The following EFR3B variants were observed in gnomAD, a reference collection of about 807,000 sequenced individuals.
EFR3B encodes EFR3 homolog B, also known as protein EFR3 homolog B.
In EFR3B, 64 loss-of-function variants were observed where a neutral mutation model predicts 104.7. The observed-to-expected ratio is 0.61, with a 90% confidence interval of 0.50 to 0.75. EFR3B has a LOEUF of 0.75. Among genes scored for constraint, EFR3B ranks in the 30% least tolerant of loss-of-function variants. EFR3B has a pLI of 0.00. For synonymous variants in EFR3B, 385 were observed against 417.9 expected, an observed-to-expected ratio of 0.92 and a Z score of 0.96; for missense variants, 750 against 1,078.5, an observed-to-expected ratio of 0.70 and a Z score of 4.27.
At chr2:25,083,905 G>A (rs1458470912) in intron 1 of EFR3B, among the ~76,000 whole-genome samples, 4 of 152,150 alleles carry the variant, frequency 2.6e-5, no homozygotes, top group South Asian at 2.1e-4. Flanking sequence ...CAAGGGACAC[G>A]TGCACTCTAC....
At chr2:25,126,498 T>A (rs983769193) in intron 5 of EFR3B, among the ~76,000 whole-genome samples, 2 of 152,092 alleles carry the variant, frequency 1.3e-5, no homozygotes, top group African/African-American at 4.8e-5. Flanking sequence ...TAGCTGGGAT[T>A]ACAGGTGCCT....
chr2:25,054,909 G>A (rs1667977151), intron 1 of EFR3B, among the ~76,000 whole-genome samples: 1 of 152,168 alleles, frequency 6.6e-6, no homozygotes, highest in South Asian at 2.1e-4. Context: ...TCTCATCTCT[G>A]CACTGGAAAG....
intron 3 of EFR3B, among the ~76,000 whole-genome samples, chr2:25,103,096 C>T (rs891474143): frequency 5.9e-5 from 9 of 152,268 alleles, no homozygotes; most frequent in African/African-American, 1.9e-4. Context: ...CCTTGGAAAC[C>T]TCATGGGCCA....
At chr2:25,144,330 C>G (rs867588891) in intron 18 of EFR3B, among the ~76,000 whole-genome samples, 2 of 152,052 alleles carry the variant, frequency 1.3e-5, no homozygotes, top group African/African-American at 4.8e-5. Flanking sequence ...ATTGCCTAAG[C>G]TCAAGGGTTC....
chr2:25,054,523 A>T (rs1021410823), intron 1 of EFR3B, among the ~76,000 whole-genome samples: 1 of 152,014 alleles, frequency 6.6e-6, no homozygotes, highest in Admixed American at 6.6e-5. Context: ...GGGTTTTGCC[A>T]TGTAGGTTGG....
intron 1 of EFR3B, among the ~76,000 whole-genome samples, chr2:25,060,576 A>C (rs960339597): frequency 1.8e-4 from 27 of 152,132 alleles, no homozygotes; most frequent in African/African-American, 5.8e-4. Flanking sequence ...GGGTGGTCTG[A>C]GTTAATGGCA....
chr2:25,065,018 C>G (rs1374935219), intron 1 of EFR3B, among the ~76,000 whole-genome samples: 1 of 152,098 alleles, frequency 6.6e-6, no homozygotes, highest in African/African-American at 2.4e-5. Flanking sequence ...GTCACTGGTT[C>G]CCAAGGATCT....
chr2:25,121,382 G>A (rs558482526), intron 4 of EFR3B, among the ~76,000 whole-genome samples: 1 of 152,202 alleles, frequency 6.6e-6, no homozygotes, highest in Non-Finnish European at 1.5e-5. Context: ...TGGATGGAGC[G>A]ATGAGGGCAG....
At position 25,080,055 on chromosome 2, in the gene EFR3B, A is replaced by G. The variant is rs143869775; in HGVS notation, c.8-11270A>G. 177 of 880,976 alleles carry G rather than the reference A, an allele frequency of 2.0e-4. No homozygotes were observed. The African/African-American group carries it at 2.8e-3, about 14-fold the overall frequency. 54.6% of individuals were successfully genotyped at this position (880,976 alleles called of 1,614,324 possible). A position where few individuals can be genotyped will look rare whatever the true frequency, so the allele number is the denominator to read the frequency against. On this transcript the variant is annotated intron_variant, in intron 1 of 22. Transcript: ENST00000403714. ...TGCTCTCGGTGCCTTAGCATCATCA[A>G]CTCGTGTACCTTGTAACCCCCACAA... is the stretch of plus-strand genomic sequence containing the variant.
chr2:25,133,264 C>G (rs540654835), intron 11 of EFR3B, 119 bp from the exon 12 acceptor site: 242 of 1,168,228 alleles, frequency 2.1e-4, no homozygotes, highest in Middle Eastern at 5.7e-4. Flanking sequence ...AGTCACTGTC[C>G]TGGGTAACCC....
chr2:25,134,851 A>G (rs1336828059), intron 12 of EFR3B, among the ~76,000 whole-genome samples: 4 of 152,210 alleles, frequency 2.6e-5, no homozygotes, highest in Non-Finnish European at 4.4e-5. Flanking sequence ...CATCAAAAGC[A>G]TTGTTTTACA....
intron 1 of EFR3B, among the ~76,000 whole-genome samples, chr2:25,053,399 T>C (rs1010176662): frequency 2.6e-5 from 4 of 152,100 alleles, no homozygotes; most frequent in Non-Finnish European, 5.9e-5. Flanking sequence ...GACAATGGCC[T>C]GGAAAGAAAG....
chr2:25,129,855 G>A, intron 6 of EFR3B, 120 bp from the exon 7 acceptor site: 13 of 1,381,390 alleles, frequency 9.4e-6, no homozygotes, highest in South Asian at 2.9e-5. Context: ...CTATTGCCTA[G>A]TGCAACCCAT....
intron 4 of EFR3B, among the ~76,000 whole-genome samples, chr2:25,104,673 G>C (rs925367288): frequency 3.3e-5 from 5 of 152,216 alleles, no homozygotes; most frequent in Admixed American, 6.5e-5. Flanking sequence ...ATGTCCCCAG[G>C]ACAAAGGTAC....
intron 1 of EFR3B, among the ~76,000 whole-genome samples, chr2:25,046,566 G>A (rs1486126999): frequency 1.4e-5 from 2 of 143,208 alleles, no homozygotes; most frequent in South Asian, 2.3e-4. Flanking sequence ...GCAGTGGCGC[G>A]ATCTCGGCTC....
intron 4 of EFR3B, among the ~76,000 whole-genome samples, chr2:25,107,282 A>G (rs1669592085): frequency 6.6e-6 from 1 of 152,176 alleles, no homozygotes; most frequent in Admixed American, 6.5e-5. Context: ...GTGGGTGAGA[A>G]GTCAAGAAAA....
At chr2:25,138,682 T>C (rs1224548093) in intron 15 of EFR3B, among the ~76,000 whole-genome samples, 1 of 152,208 alleles carries the variant, frequency 6.6e-6, no homozygotes, top group Non-Finnish European at 1.5e-5. Flanking sequence ...GAGCCCAGTT[T>C]AGCAAGCCAA....
intron 1 of EFR3B, among the ~76,000 whole-genome samples, chr2:25,088,995 G>C (rs950684682): frequency 6.6e-6 from 1 of 152,196 alleles, no homozygotes; most frequent in Non-Finnish European, 1.5e-5. Context: ...CATGGGCCCT[G>C]TGTGGTGGCG....
In EFR3B at chr2:25,151,934, G is replaced by T; in HGVS notation, c.2212G>T (p.Glu738Ter). 1 of 1,551,750 alleles carries T rather than the reference G, an allele frequency of 6.4e-7. No individual in the cohort carries two copies. The highest frequency in any genetic ancestry group is 1.2e-5 in the South Asian group (1 of 84,058). Residue 738 changes from glutamate (E) to a stop codon, truncating the protein, a stop_gained, in exon 21 of 23, where the codon GAG becomes TAG. Transcript: ENST00000403714. LOFTEE classifies it high-confidence loss of function. ...CGAAGTGGACAGCGTAGCAGTGGAG[G>T]AGCAGGAGCGTGAGCGGCGGCGGCA... is the stretch of plus-strand genomic sequence containing the variant. ...KAIVDSVAVE[E>*]QERERRRQVV...
Sources: gnomAD v4.1 joint callset for allele counts (sites outside exome capture counted in the v4.1 genomes callset) on GRCh38, gnomAD v4.1.1 for gene constraint, MANE v1.5 for transcripts, NCBI Gene and HGNC (gene_info 2026-07-23, HGNC 2026-07-21) for gene names.